The following TRAPPC9 variants were observed in gnomAD, a reference collection of about 807,000 sequenced individuals.
TRAPPC9 encodes IKK2 binding protein.
TRAPPC9 carries 83 observed loss-of-function variants against 124.0 expected under a neutral mutation model. The ratio of observed to expected loss-of-function variants is 0.67; its 90% confidence interval spans 0.56 to 0.80. TRAPPC9 has a LOEUF of 0.80. TRAPPC9 is among the 30% of genes least tolerant of loss of function. The pLI is 0.00. For synonymous variants in TRAPPC9, 638 were observed against 617.5 expected (o/e 1.03, Z -0.49); for missense variants, 1,302 against 1,508.3 (o/e 0.86, Z 2.27).
In TRAPPC9 at chr8:140,247,678, TATGC is replaced by T. The variant is rs528556458; in HGVS notation, c.2431+5095_2431+5098del. Reference sequence around the variant, plus strand: ...TAGCAGATATATGTATGTATATATGTATGCATGCATGCATGTACGTTAGATCTTC... The same window carrying T: ...TAGCAGATATATGTATGTATATATGTATGCATGCATGTACGTTAGATCTTC... On this transcript the variant is annotated intron_variant, in intron 16 of 22. Transcript: ENST00000438773. 4.6e-5 allele frequency among the ~76,000 whole-genome samples: 7 copies of T among 152,346 alleles called. No individual in the cohort carries two copies. The South Asian group carries it at 1.4e-3, about 32-fold the overall frequency.
At chr8:139,841,638 G>A (rs1826736651) in intron 21 of TRAPPC9, among the ~76,000 whole-genome samples, 1 of 152,218 alleles carries the variant, frequency 6.6e-6, no homozygotes, top group Admixed American at 6.5e-5. Flanking sequence ...TCCCTGGTGT[G>A]GTCACAGGCA....
At chr8:140,148,834 G>A (rs139904209) in intron 17 of TRAPPC9, among the ~76,000 whole-genome samples, 5 of 152,266 alleles carry the variant, frequency 3.3e-5, no homozygotes, top group African/African-American at 7.2e-5. Flanking sequence ...TGAACAACTT[G>A]GATAGAGTTA....
intron 17 of TRAPPC9, among the ~76,000 whole-genome samples, chr8:140,061,762 C>A (rs1842634326): frequency 6.6e-6 from 1 of 152,202 alleles, no homozygotes; most frequent in Non-Finnish European, 1.5e-5. Context: ...GAGAATGGAG[C>A]AGCAGTCAGG....
intron 21 of TRAPPC9, among the ~76,000 whole-genome samples, chr8:139,740,996 C>T (rs1335042115): frequency 6.6e-6 from 1 of 152,190 alleles, no homozygotes; most frequent in African/African-American, 2.4e-5. Context: ...TTTGATTCCA[C>T]AGCTTGGGAC....
chr8:139,824,581 G>A (rs1586925535), intron 21 of TRAPPC9, among the ~76,000 whole-genome samples: 3 of 151,952 alleles, frequency 2.0e-5, no homozygotes, highest in Admixed American at 6.6e-5. Flanking sequence ...ATCTTTTGGC[G>A]ACAGATTCTC....
At chr8:140,317,375 T>C (rs10091104) in intron 9 of TRAPPC9, among the ~76,000 whole-genome samples, 43,837 of 152,130 alleles carry the variant, frequency 0.29, 6,680 homozygotes, top group Middle Eastern at 0.43. Flanking sequence ...TCTGGTTGGT[T>C]CCTGTGTCCT....
At chr8:140,204,267 T>C (rs2131191350) in intron 17 of TRAPPC9, among the ~76,000 whole-genome samples, 1 of 152,000 alleles carries the variant, frequency 6.6e-6, no homozygotes, top group African/African-American at 2.4e-5. Flanking sequence ...ATGTGGCACA[T>C]ATACACCATG....
At chr8:139,818,577 A>G (rs1825027303) in intron 21 of TRAPPC9, among the ~76,000 whole-genome samples, 1 of 149,974 alleles carries the variant, frequency 6.7e-6, no homozygotes, top group Non-Finnish European at 1.5e-5. Context: ...CTCTGTCTCA[A>G]AAAAAAAAAG....
At chr8:140,183,959 GAGGGAGGAGGGA>G (rs1563826190) in intron 17 of TRAPPC9, among the ~76,000 whole-genome samples, 1 of 16,340 alleles carries the variant, frequency 6.1e-5, no homozygotes, top group African/African-American at 9.2e-5. Context: ...GAGGGGAGGG[GAGGGAGGAGGGA>G]GGAGGGAGGA....
intron 17 of TRAPPC9, among the ~76,000 whole-genome samples, chr8:140,158,213 C>A (rs2061688281): frequency 6.6e-6 from 1 of 152,154 alleles, no homozygotes; most frequent in Admixed American, 6.5e-5. Flanking sequence ...ATCCCAAGAA[C>A]CTGTGAAATG....
At chr8:140,213,131 T>C (rs1056514841) in intron 17 of TRAPPC9, among the ~76,000 whole-genome samples, 5 of 151,962 alleles carry the variant, frequency 3.3e-5, no homozygotes, top group Non-Finnish European at 1.5e-5. Flanking sequence ...TCTTTTTTGT[T>C]GACTTTTTTA....
intron 17 of TRAPPC9, among the ~76,000 whole-genome samples, chr8:140,134,987 T>C (rs972210665): frequency 2.0e-5 from 3 of 152,176 alleles, no homozygotes; most frequent in Non-Finnish European, 4.4e-5. Context: ...AAATAACCCA[T>C]ATTAAAAATG....
chr8:140,123,124 A>C (rs2061018359), intron 17 of TRAPPC9, among the ~76,000 whole-genome samples: 3 of 151,834 alleles, frequency 2.0e-5, no homozygotes. Context: ...TTTAAATCTG[A>C]TCCTCTTCCA....
chr8:139,744,570 C>G (rs1199136522), intron 21 of TRAPPC9, among the ~76,000 whole-genome samples: 1 of 152,202 alleles, frequency 6.6e-6, no homozygotes, highest in Non-Finnish European at 1.5e-5. Context: ...CTCCCGCTGA[C>G]CCCATGGACA....
intron 17 of TRAPPC9, among the ~76,000 whole-genome samples, chr8:140,129,493 G>A (rs1486718365): frequency 1.3e-5 from 2 of 152,202 alleles, no homozygotes; most frequent in African/African-American, 4.8e-5. Flanking sequence ...GAGCCAAGGA[G>A]GGGTCTAAAG....
At chr8:139,979,264 G>C (rs1836716341) in intron 19 of TRAPPC9, among the ~76,000 whole-genome samples, 1 of 152,154 alleles carries the variant, frequency 6.6e-6, no homozygotes. Flanking sequence ...GAGCCTGGGA[G>C]TGAAGGCTCC....
chr8:140,435,781 G>A lies in TRAPPC9; in HGVS notation c.731-541C>T, dbSNP rs118001693. Among the ~76,000 whole-genome samples the A allele has an allele frequency of 1.1e-4, 16 of 152,252 alleles. No individual in the cohort carries two copies. In the East Asian group the frequency reaches 2.5e-3, roughly 24 times the overall value. On this transcript the variant is annotated intron_variant, in intron 3 of 22. Transcript: ENST00000438773. ...TCCTCAAAAACAGCCATATTAACTC[G>A]CTACACAGTCCGTTCTTCTCTCATG...
Position 139,815,755 on chromosome 8 carries a change from C to T in TRAPPC9, c.3055+70124G>A, listed in dbSNP as rs549212218. Among the ~76,000 whole-genome samples, 10 of 152,318 alleles carry T rather than the reference C, an allele frequency of 6.6e-5. No individual in the cohort carries two copies. The East Asian group carries it at 7.7e-4, about 12-fold the overall frequency. On this transcript the variant is annotated intron_variant, in intron 21 of 22. Transcript: ENST00000438773. ...CTGACAGGAGGGACTGTGCTACCTA[C>T]GGACTCGTGGTGGGAAGGTGGGGTG...
At chr8:139,927,814 G>C (rs1832900854) in intron 19 of TRAPPC9, among the ~76,000 whole-genome samples, 1 of 152,198 alleles carries the variant, frequency 6.6e-6, no homozygotes, top group African/African-American at 2.4e-5. Flanking sequence ...CCACGTGGAT[G>C]AATCTCCAAA....
Sources: gnomAD v4.1 joint callset for allele counts (sites outside exome capture counted in the v4.1 genomes callset) on GRCh38, gnomAD v4.1.1 for gene constraint, MANE v1.5 for transcripts, NCBI Gene and HGNC (gene_info 2026-07-23, HGNC 2026-07-21) for gene names.